OSBPL6: variants seen among roughly 807,000 people sequenced by gnomAD.
The protein encoded by OSBPL6 is oxysterol-binding protein-related protein 6.
In OSBPL6, 49 loss-of-function variants were observed where a neutral mutation model predicts 125.8. That is an observed-to-expected ratio of 0.39 (90% confidence interval 0.31 to 0.49). The LOEUF (loss-of-function observed/expected upper bound fraction) is 0.49. Among genes scored for constraint, OSBPL6 ranks in the 20% least tolerant of loss-of-function variants. The pLI is 0.88. For missense variants in OSBPL6, 986 were observed against 1,135.4 expected (o/e 0.87, Z 1.89); for synonymous variants, 394 against 391.8 (o/e 1.01, Z -0.07).
chr2:178,373,759 C>T (rs1693621356), intron 14 of OSBPL6, 131 bp from the exon 15 acceptor site: 2 of 1,060,582 alleles, frequency 1.9e-6, no homozygotes, highest in African/African-American at 1.6e-5. Context: ...TGCTGAATTG[C>T]AAGTGAAAAT....
At chr2:178,348,287 A>G (rs1298779493) in intron 11 of OSBPL6, among the ~76,000 whole-genome samples, 1 of 152,194 alleles carries the variant, frequency 6.6e-6, no homozygotes, top group East Asian at 1.9e-4. Context: ...GGTGGAGTCT[A>G]AGAGTCTGGT....
intron 3 of OSBPL6, among the ~76,000 whole-genome samples, chr2:178,318,031 T>TTTCCTC (rs1204193251): frequency 6.6e-6 from 1 of 152,206 alleles, no homozygotes; most frequent in Non-Finnish European, 1.5e-5. Flanking sequence ...AGTTATGCTG[T>TTTCCTC]TGAGTGTTAT....
Position 178,218,393 on chromosome 2 carries a change from TA to T in OSBPL6, c.-351+23732del, listed in dbSNP as rs757915872. 9.9e-3 allele frequency among the ~76,000 whole-genome samples: 1,143 copies of T among 115,064 alleles called. 11 individuals carry two copies. The highest frequency in any genetic ancestry group is 0.068 in the East Asian group (324 of 4,774). The allele number at this position is 115,064 out of a possible 152,430, so 75.5% of individuals were successfully genotyped here. A position where few individuals can be genotyped will look rare whatever the true frequency, so the allele number is the denominator to read the frequency against. ...AAACAGATAAATCTGTAAGCATTAT[TA>T]AAAAAAAAAAAATTAAAAAAAAAAA... On this transcript the variant is annotated intron_variant, in intron 1 of 24. Coordinates refer to ENST00000190611, the MANE Select transcript of OSBPL6 (RefSeq NM_032523.4).
chr2:178,395,387 AG>A (rs1340924731), intron 24 of OSBPL6, 63 bp from the exon 25 acceptor site: 1 of 1,108,432 alleles, frequency 9.0e-7, no homozygotes, highest in African/African-American at 1.6e-5. Flanking sequence ...TCTATAGGAG[AG>A]GGTCCTATTT....
rs1053440853 is a variant in OSBPL6, at chr2:178,385,505, T to C, written c.2061T>C (p.Asn687=). 6.2e-7 allele frequency: 1 copy of C among 1,609,952 alleles called. No individual in the cohort carries two copies. Among genetic ancestry groups the C allele is most frequent in the Non-Finnish European group, 8.5e-7 (1 of 1,176,654 alleles). ...CTGCCTGTCACTGTGAATCAAAGAA[T>C]TTTGTGTTTTGGCAAGGTTTGTATT... The part of the protein sequence containing the change: ...PISACHCESK[N]FVFWQDIRWK... The change falls in exon 19 of 25, where the codon AAT becomes AAC. Residue 687 remains asparagine, a synonymous_variant. Transcript: ENST00000190611.
intron 13 of OSBPL6, among the ~76,000 whole-genome samples, chr2:178,362,236 T>C (rs1056552382): frequency 3.3e-5 from 5 of 152,220 alleles, no homozygotes; most frequent in African/African-American, 1.2e-4. Flanking sequence ...CCCACTTACA[T>C]CTTAATCTGT....
chr2:178,263,133 T>A (rs1371041820), intron 1 of OSBPL6, among the ~76,000 whole-genome samples: 1 of 152,174 alleles, frequency 6.6e-6, no homozygotes, highest in African/African-American at 2.4e-5. Context: ...TCCATGATAG[T>A]TTTCTCCAGG....
intron 2 of OSBPL6, among the ~76,000 whole-genome samples, chr2:178,288,707 G>A (rs183705670): frequency 2.6e-4 from 40 of 151,662 alleles, no homozygotes; most frequent in African/African-American, 8.7e-4. Context: ...GGAATGCAGT[G>A]GCGCGATCTC....
At chr2:178,373,367 CTATT>C (rs1217184913) in intron 14 of OSBPL6, among the ~76,000 whole-genome samples, 1 of 152,106 alleles carries the variant, frequency 6.6e-6, no homozygotes, top group Non-Finnish European at 1.5e-5. Flanking sequence ...TCCTTGAAAA[CTATT>C]TATCACTTAT....
At chr2:178,217,148 T>C (rs1252619407) in intron 1 of OSBPL6, among the ~76,000 whole-genome samples, 1 of 152,182 alleles carries the variant, frequency 6.6e-6, no homozygotes, top group Non-Finnish European at 1.5e-5. Context: ...GGGCATCATA[T>C]CCACAATTCA....
chr2:178,307,903 G>A (rs1686923210), intron 3 of OSBPL6, among the ~76,000 whole-genome samples: 1 of 152,132 alleles, frequency 6.6e-6, no homozygotes, highest in African/African-American at 2.4e-5. Flanking sequence ...TCCAGGACGG[G>A]CACGCAAAGC....
chr2:178,383,472 G>C (rs1268294777), intron 17 of OSBPL6, among the ~76,000 whole-genome samples, 195 bp downstream of exon 17: 1 of 152,184 alleles, frequency 6.6e-6, no homozygotes, highest in South Asian at 2.1e-4. Flanking sequence ...CACACTTTTT[G>C]TGCCTTATCC....
intron 20 of OSBPL6, among the ~76,000 whole-genome samples, chr2:178,388,473 G>A (rs1444593930): frequency 6.6e-6 from 1 of 152,012 alleles, no homozygotes; most frequent in Non-Finnish European, 1.5e-5. Flanking sequence ...CCTGCCTTGC[G>A]TCCTGCCACC....
intron 3 of OSBPL6, among the ~76,000 whole-genome samples, chr2:178,312,866 A>C (rs971643035): frequency 2.6e-5 from 4 of 151,974 alleles, no homozygotes; most frequent in Non-Finnish European, 4.4e-5. Flanking sequence ...TTTTGTTTCC[A>C]TAATTACTTT....
chr2:178,329,188 T>G (rs1688969413), intron 5 of OSBPL6, among the ~76,000 whole-genome samples: 1 of 152,192 alleles, frequency 6.6e-6, no homozygotes, highest in South Asian at 2.1e-4. Context: ...CAGTACAAAC[T>G]AAAGCTGGAG....
intron 1 of OSBPL6, among the ~76,000 whole-genome samples, chr2:178,196,048 T>G (rs1042667142): frequency 6.6e-6 from 1 of 151,930 alleles, no homozygotes; most frequent in Non-Finnish European, 1.5e-5. Flanking sequence ...TCTACAGTTT[T>G]GGGTACTGCA....
At chr2:178,355,819 A>G (rs937620258) in intron 12 of OSBPL6, among the ~76,000 whole-genome samples, 1 of 152,288 alleles carries the variant, frequency 6.6e-6, no homozygotes, top group Non-Finnish European at 1.5e-5. Flanking sequence ...CCTGATGAAC[A>G]TCAGTGCAAA....
intron 2 of OSBPL6, among the ~76,000 whole-genome samples, chr2:178,300,289 A>C (rs1294161001): frequency 2.0e-5 from 3 of 152,180 alleles, no homozygotes; most frequent in African/African-American, 7.2e-5. Flanking sequence ...CTCATAGACA[A>C]GGAGTGACAC....
intron 3 of OSBPL6, among the ~76,000 whole-genome samples, chr2:178,311,426 G>A (rs1442376699): frequency 1.3e-5 from 2 of 152,150 alleles, no homozygotes; most frequent in Non-Finnish European, 2.9e-5. Flanking sequence ...CACCTGGCAT[G>A]TTATCTATTT....
Sources: allele counts gnomAD v4.1 joint callset (sites outside exome capture counted in the v4.1 genomes callset), GRCh38; gene constraint gnomAD v4.1.1; transcripts MANE v1.5; gene names NCBI Gene and HGNC (gene_info 2026-07-23, HGNC 2026-07-21).